The following MFAP1 variants were observed in gnomAD, a reference collection of about 807,000 sequenced individuals.
MFAP1 encodes microfibril associated protein 1.
MFAP1 carries 18 observed loss-of-function variants against 62.2 expected under a neutral mutation model. The observed-to-expected ratio is 0.29, with a 90% CI of 0.20 to 0.43. The LOEUF (loss-of-function observed/expected upper bound fraction) is 0.43. MFAP1 is among the 20% of genes least tolerant of loss of function. The probability of loss-of-function intolerance (pLI) is 1.00; values close to 1 mark genes in which losing one functional copy is unlikely to be tolerated. For synonymous variants in MFAP1, 175 were observed against 180.4 expected, an observed-to-expected ratio of 0.97 and a Z score of 0.24; for missense variants, 355 against 559.7, an observed-to-expected ratio of 0.63 and a Z score of 3.69.
intron 7 of MFAP1, among the ~76,000 whole-genome samples, chr15:43,809,487 G>A (rs1393865684): frequency 4.0e-5 from 6 of 149,446 alleles, no homozygotes; most frequent in Non-Finnish European, 7.4e-5. Flanking sequence ...GCGAGACTCT[G>A]TCTCTTAAAA....
intron 1 of MFAP1, among the ~76,000 whole-genome samples, chr15:43,821,922 T>C (rs2141713534): frequency 6.6e-6 from 1 of 152,042 alleles, no homozygotes; most frequent in Middle Eastern, 3.4e-3. Context: ...ATAAATCTGA[T>C]AATACTAAAA....
intron 7 of MFAP1, among the ~76,000 whole-genome samples, chr15:43,808,068 A>G (rs1405623154): frequency 6.6e-6 from 1 of 152,258 alleles, no homozygotes; most frequent in African/African-American, 2.4e-5. Flanking sequence ...TGAGCCCAGG[A>G]GAATGAGGCA....
intron 7 of MFAP1, among the ~76,000 whole-genome samples, chr15:43,808,814 C>T (rs1335427401): frequency 6.6e-6 from 1 of 152,240 alleles, no homozygotes; most frequent in African/African-American, 2.4e-5. Context: ...GAATTTGCCA[C>T]ACGGCACTTG....
intron 1 of MFAP1, among the ~76,000 whole-genome samples, chr15:43,820,419 T>G (rs183418925): frequency 8.5e-5 from 13 of 152,144 alleles, no homozygotes; most frequent in Non-Finnish European, 1.8e-4. Context: ...ATTTGGGCAA[T>G]AAGGAAAAGT....
chr15:43,824,311 C>T (rs2087485283), intron 1 of MFAP1, among the ~76,000 whole-genome samples, 180 bp downstream of exon 1: 1 of 151,834 alleles, frequency 6.6e-6, no homozygotes, highest in African/African-American at 2.4e-5. Context: ...TTGCTGAATA[C>T]GAGAGCAGGC....
At chr15:43,813,947 T>C (rs1447519826) in intron 4 of MFAP1, among the ~76,000 whole-genome samples, 1 of 152,110 alleles carries the variant, frequency 6.6e-6, no homozygotes, top group Non-Finnish European at 1.5e-5. Flanking sequence ...TGAGTTTAAT[T>C]TTGTGCTTAA....
In MFAP1 at chr15:43,813,161, A is replaced by C; in HGVS notation, c.727-14T>G. 1 of 1,614,030 alleles carries C rather than the reference A, an allele frequency of 6.2e-7. No individual in the cohort carries two copies. Among genetic ancestry groups the C allele is most frequent in the Non-Finnish European group, 8.5e-7 (1 of 1,179,978 alleles). Reference sequence around the variant, plus strand: ...CTCTTCGACAATCTGGATAGGGAGAACAATTCAGCTTGGACTTCCTTACTC... The same window carrying C: ...CTCTTCGACAATCTGGATAGGGAGACCAATTCAGCTTGGACTTCCTTACTC... On this transcript the variant is annotated splice_polypyrimidine_tract_variant and intron_variant, in intron 5 of 8. Coordinates refer to ENST00000267812, the MANE Select transcript of MFAP1 (RefSeq NM_005926.3).
At chr15:43,817,559 A>G in intron 1 of MFAP1, 111 bp from the exon 2 acceptor site, 1 of 1,064,244 alleles carries the variant, frequency 9.4e-7, no homozygotes. Flanking sequence ...GAGTCTAAGC[A>G]GAAGAAGAAG....
At chr15:43,814,712 A>T (rs1232617438) in intron 3 of MFAP1, 24 bp from the exon 4 acceptor site, 2 of 1,609,700 alleles carry the variant, frequency 1.2e-6, no homozygotes, top group Non-Finnish European at 1.7e-6. Context: ...TATATAAGCC[A>T]GTCAGTCAAA....
At position 43,804,863 on chromosome 15, in the gene MFAP1, T is replaced by G; in HGVS notation, c.*231A>C. ...AACCTAAGATTTCTCAGAAATAGTT[T>G]TAAGTGGGAAGCCTCTAATCCTACC... On this transcript the variant is annotated 3_prime_UTR_variant, in exon 9 of 9. Transcript: ENST00000267812. The G allele has an allele frequency of 5.0e-6, 2 of 396,350 alleles. No homozygotes were observed. The highest frequency in any genetic ancestry group is 8.9e-6 in the Non-Finnish European group (2 of 224,654). The allele number at this position is 396,350 out of a possible 1,614,324, so 24.6% of individuals were successfully genotyped here. A position where few individuals can be genotyped will look rare whatever the true frequency, so the allele number is the denominator to read the frequency against.
chr15:43,813,309 C>G lies in MFAP1; in HGVS notation c.666G>C (p.Gln222His). The G allele has an allele frequency of 6.2e-7, 1 of 1,612,126 alleles. No individual in the cohort carries two copies. Residue 222 changes from glutamine to histidine, a missense_variant, in exon 5 of 9, where the codon CAG becomes CAC. Around this residue, in one of 6 missense-constraint regions of MFAP1, gnomAD observed 257 missense variants for 341.3 expected, o/e 0.75. Coordinates refer to ENST00000267812, the MANE Select transcript of MFAP1 (RefSeq NM_005926.3). ...VQEREAEALK[Q>H]KELEQEAKRM... ...GTTTTGCTTCCTGCTCCAGCTCCTT[C>G]TGTTTCAATGCTTCGGCTTCACGTT...
intron 4 of MFAP1, 96 bp from the exon 5 acceptor site, chr15:43,813,453 A>G: frequency 8.6e-7 from 1 of 1,158,196 alleles, no homozygotes; most frequent in Non-Finnish European, 1.2e-6. Flanking sequence ...CAAAAACCAA[A>G]CAATCTTTGG....
At chr15:43,815,242 C>T (rs574803189) in intron 2 of MFAP1, among the ~76,000 whole-genome samples, 168 bp from the exon 3 acceptor site, 2 of 151,722 alleles carry the variant, frequency 1.3e-5, no homozygotes, top group Admixed American at 6.6e-5. Context: ...TGCAGTGGTG[C>T]GATCTTGGCT....
At chr15:43,810,071 A>G (rs1220436123) in intron 6 of MFAP1, 157 bp from the exon 7 acceptor site, 3 of 822,754 alleles carry the variant, frequency 3.6e-6, no homozygotes, top group Non-Finnish European at 5.6e-6. Context: ...CAATAAACAA[A>G]TGGGTGAGTT....
intron 2 of MFAP1, among the ~76,000 whole-genome samples, chr15:43,816,307 G>A (rs1378951126): frequency 3.4e-5 from 5 of 148,210 alleles, no homozygotes; most frequent in Admixed American, 6.8e-5. Context: ...GTGCAGTGGC[G>A]TGATCTCGGC....
At chr15:43,817,670 G>A (rs2087442304) in intron 1 of MFAP1, among the ~76,000 whole-genome samples, 2 of 152,256 alleles carry the variant, frequency 1.3e-5, no homozygotes, top group South Asian at 4.1e-4. Context: ...TGATAATGAG[G>A]CTTACCTTGA....
At chr15:43,822,123 C>T (rs900747037) in intron 1 of MFAP1, among the ~76,000 whole-genome samples, 17 of 148,822 alleles carry the variant, frequency 1.1e-4, no homozygotes, top group African/African-American at 3.5e-4. Context: ...CAGCATCGGC[C>T]GGACGCAGTA....
In MFAP1 at chr15:43,812,987, G is replaced by T. The variant is rs377106172; in HGVS notation, c.887C>A (p.Ala296Glu). 6.2e-7 allele frequency: 1 copy of T among 1,613,630 alleles called. No homozygotes were observed. Among genetic ancestry groups the T allele is most frequent in the Non-Finnish European group, 8.5e-7 (1 of 1,179,926 alleles). ...ACTCTAGGCTCATCTTTTTACTCACGCTTCTCGATCTTCTCTGTCCCTCTT... is the reference window on the plus strand; with the variant it reads ...ACTCTAGGCTCATCTTTTTACTCACTCTTCTCGATCTTCTCTGTCCCTCTT... ...RIKRDREDRE[A>E]LEKEKAEIER... Residue 296 changes from alanine to glutamate, a missense_variant and splice_region_variant, in exon 6 of 9, where the codon GCG becomes GAG. Ala to Glu is a moderately radical substitution (Grantham distance 107). Around this residue, in one of 6 missense-constraint regions of MFAP1, gnomAD observed 257 missense variants for 341.3 expected, o/e 0.75. Coordinates refer to ENST00000267812, the MANE Select transcript of MFAP1 (RefSeq NM_005926.3).
At chr15:43,811,330 G>A (rs906421945) in intron 6 of MFAP1, among the ~76,000 whole-genome samples, 1 of 148,870 alleles carries the variant, frequency 6.7e-6, no homozygotes, top group African/African-American at 2.5e-5. Flanking sequence ...CAGGAGAACC[G>A]CTTGACTCCC....
Sources: allele counts gnomAD v4.1 joint callset (sites outside exome capture counted in the v4.1 genomes callset), GRCh38; gene constraint gnomAD v4.1.1; regional missense constraint gnomAD v4.1.1; transcripts MANE v1.5; gene names NCBI Gene and HGNC (gene_info 2026-07-23, HGNC 2026-07-21).